Variants in MMP24 observed in about 807,000 individuals in gnomAD.
The protein encoded by MMP24 is matrix metallopeptidase 24, also known as matrix metalloproteinase-24.
Under a neutral mutation model 62.8 loss-of-function variants are expected in MMP24, and 25 were observed. That is an observed-to-expected ratio of 0.40 (90% CI 0.29 to 0.56). The LOEUF is 0.56. Among genes scored for constraint, MMP24 ranks in the 20% least tolerant of loss-of-function variants. MMP24 has a pLI of 0.50. For synonymous variants in MMP24, 319 were observed against 350.5 expected, an observed-to-expected ratio of 0.91 and a Z score of 1.00; for missense variants, 634 against 853.6, an observed-to-expected ratio of 0.74 and a Z score of 3.21.
At chr20:35,244,801 C>A (rs1245600510) in intron 1 of MMP24, among the ~76,000 whole-genome samples, 1 of 151,104 alleles carries the variant, frequency 6.6e-6, no homozygotes, top group Non-Finnish European at 1.5e-5. Context: ...TTCACCCAAG[C>A]TTCTTTCAGA....
intron 6 of MMP24, among the ~76,000 whole-genome samples, chr20:35,268,959 G>A (rs543826487): frequency 1.1e-4 from 17 of 151,830 alleles, no homozygotes; most frequent in South Asian, 1.0e-3. Context: ...CCTGGGAGGC[G>A]GAGCTTGCAG....
chr20:35,267,490 T>C (rs1410199997), intron 6 of MMP24, 71 bp downstream of exon 6: 16 of 1,426,944 alleles, frequency 1.1e-5, no homozygotes, highest in Non-Finnish European at 1.4e-5. Flanking sequence ...ATCATGGAGC[T>C]GGGGAAGGCT....
intron 1 of MMP24, among the ~76,000 whole-genome samples, chr20:35,246,573 A>T (rs911845659): frequency 2.0e-5 from 3 of 152,218 alleles, no homozygotes; most frequent in Non-Finnish European, 4.4e-5. Flanking sequence ...AGGGCAATGG[A>T]AAACTCTGAA....
intron 1 of MMP24, among the ~76,000 whole-genome samples, chr20:35,230,878 T>C (rs974732373): frequency 1.3e-5 from 2 of 152,356 alleles, no homozygotes; most frequent in African/African-American, 4.8e-5. Context: ...TTCGTATCTA[T>C]GATCTTTCAT....
At position 35,269,828 on chromosome 20, in the gene MMP24, C is replaced by T. The variant is rs1177199073; in HGVS notation, c.1263C>T (p.Phe421=). Residue 421 remains phenylalanine (F), a synonymous_variant, in exon 7 of 9, where the codon TTC becomes TTT. Coordinates refer to ENST00000246186, the MANE Select transcript of MMP24 (RefSeq NM_006690.4). This position sits in a 1 kb window ranked among gnomAD's most constrained non-coding sequence, Gnocchi z 4.6. The part of the protein sequence containing the change: ...QEGYPMQIEQ[F]WKGLPARIDA... ...GCTACCCCATGCAGATCGAGCAGTTCTGGAAGGGCCTGCCTGCCCGCATCG... is the reference window on the plus strand; with the variant it reads ...GCTACCCCATGCAGATCGAGCAGTTTTGGAAGGGCCTGCCTGCCCGCATCG... The T allele has an allele frequency of 5.8e-6, 9 of 1,560,196 alleles. No individual in the cohort carries two copies. In the South Asian group the frequency reaches 9.5e-5, roughly 16 times the overall value.
At position 35,274,392 on chromosome 20, in the gene MMP24, TGGAGCGGCGGAA is replaced by T. The variant is rs760903739; in HGVS notation, c.1732_1743del (p.Lys578_Arg581del). 37 of 1,613,602 alleles carry T rather than the reference TGGAGCGGCGGAA, an allele frequency of 2.3e-5. No individual in the cohort carries two copies. Among genetic ancestry groups the T allele is most frequent in the Non-Finnish European group, 3.1e-5 (36 of 1,179,840 alleles). On this transcript the variant is annotated inframe_deletion, in exon 9 of 9. Coordinates refer to ENST00000246186, the MANE Select transcript of MMP24 (RefSeq NM_006690.4). The surrounding 1 kb of genome is among the most constrained non-coding windows in gnomAD (Gnocchi z 5.1). ...TGGATGGGCTGCAACCAGAAGGAGG[TGGAGCGGCGGAA>T]GGAGCGGCGGCTGCCCCAGGACGAC...
intron 1 of MMP24, among the ~76,000 whole-genome samples, chr20:35,234,955 GGTT>G (rs1006476314): frequency 1.1e-4 from 17 of 152,186 alleles, no homozygotes; most frequent in Non-Finnish European, 5.9e-5. Context: ...ACATTGTAAG[GGTT>G]GTTGTGTCAT....
chr20:35,270,972 G>A (rs1273102679), intron 7 of MMP24, among the ~76,000 whole-genome samples: 1 of 152,174 alleles, frequency 6.6e-6, no homozygotes, highest in African/African-American at 2.4e-5. Context: ...CCCAGGAAGT[G>A]GAGGTTGTGG....
chr20:35,242,973 T>C (rs998760661), intron 1 of MMP24, among the ~76,000 whole-genome samples: 6 of 150,952 alleles, frequency 4.0e-5, no homozygotes, highest in Admixed American at 6.6e-5. Context: ...AGGTCAGGAG[T>C]TCAAGACCAG....
chr20:35,227,165 C>A (rs2060417730), intron 1 of MMP24, among the ~76,000 whole-genome samples, 181 bp downstream of exon 1: 1 of 149,952 alleles, frequency 6.7e-6, no homozygotes, highest in East Asian at 2.0e-4. Context: ...GGGAGGGCCT[C>A]GCCGAGGGCC....
At chr20:35,228,643 C>T (rs1158394431) in intron 1 of MMP24, among the ~76,000 whole-genome samples, 1 of 152,182 alleles carries the variant, frequency 6.6e-6, no homozygotes, top group Non-Finnish European at 1.5e-5. Context: ...GCTAGACAAT[C>T]TCAACTCTGA....
chr20:35,253,293 T>TTTTTTTTTTTTC (rs869302559), intron 3 of MMP24, among the ~76,000 whole-genome samples: 1 of 130,358 alleles, frequency 7.7e-6, no homozygotes, highest in African/African-American at 3.0e-5. Context: ...TTTTTTTTTT[T>TTTTTTTTTTTTC]CAGAAATCTG....
In MMP24 at chr20:35,276,351, GTTTTATAC is replaced by G; in HGVS notation, c.*1746_*1753del. The G allele has an allele frequency of 2.5e-6, 1 of 399,050 alleles. No homozygotes were observed. Among genetic ancestry groups the G allele is most frequent in the Non-Finnish European group, 4.4e-6 (1 of 226,054 alleles). 24.7% of individuals were successfully genotyped at this position (399,050 alleles called of 1,614,324 possible). ...TTAGTGATTCATAGGTTTGTACAGT[GTTTTATAC>G]TTTGCAAAGCACTTTATTAGCTCAC... is the stretch of plus-strand genomic sequence containing the variant. On this transcript the variant is annotated 3_prime_UTR_variant, in exon 9 of 9. Coordinates refer to ENST00000246186, the MANE Select transcript of MMP24 (RefSeq NM_006690.4).
intron 2 of MMP24, among the ~76,000 whole-genome samples, chr20:35,247,645 G>T (rs2060522571): frequency 6.6e-6 from 1 of 152,228 alleles, no homozygotes; most frequent in Non-Finnish European, 1.5e-5. Context: ...CACAAAGCCA[G>T]CCGAGAAGGG....
At position 35,274,504 on chromosome 20, in the gene MMP24, G is replaced by C. The variant is rs368924948; in HGVS notation, c.1833G>C (p.Leu611=). 1 of 1,613,898 alleles carries C rather than the reference G, an allele frequency of 6.2e-7. No individual in the cohort carries two copies. Among genetic ancestry groups the C allele is most frequent in the African/African-American group, 1.3e-5 (1 of 74,924 alleles). The change falls in exon 9 of 9, where the codon CTG becomes CTC. Residue 611 remains leucine, a synonymous_variant. Transcript: ENST00000246186. This position sits in a 1 kb window ranked among gnomAD's most constrained non-coding sequence, Gnocchi z 5.1. ...NAVAVVIPCI[L]SLCILVLVYT... ...TGGCCGTGGTCATCCCCTGCATCCT[G>C]TCCCTCTGCATCCTGGTGCTGGTCT...
chr20:35,253,547 C>T (rs995420762), intron 3 of MMP24, among the ~76,000 whole-genome samples: 11 of 152,016 alleles, frequency 7.2e-5, no homozygotes, highest in Admixed American at 4.6e-4. Context: ...AGTTTCCTTA[C>T]GTGTGGAGTA....
Position 35,267,363 on chromosome 20 carries a change from T to A in MMP24, c.1138T>A (p.Cys380Ser). ...PSTPGTKPNI[C>S]DGNFNTVALF... ...CACACCAGGCACCAAACCCAACATC[T>A]GTGACGGCAACTTCAACACAGTGGC... The change falls in exon 6 of 9, where the codon TGT (cysteine) becomes AGT (serine). Residue 380 changes from cysteine (C) to serine (S), a missense_variant. Coordinates refer to ENST00000246186, the MANE Select transcript of MMP24 (RefSeq NM_006690.4). The A allele has an allele frequency of 6.3e-7, 1 of 1,578,602 alleles. No homozygotes were observed. Among genetic ancestry groups the A allele is most frequent in the East Asian group, 2.3e-5 (1 of 42,710 alleles).
intron 1 of MMP24, among the ~76,000 whole-genome samples, chr20:35,235,799 C>G (rs897803134): frequency 2.0e-5 from 3 of 152,088 alleles, no homozygotes; most frequent in Admixed American, 6.5e-5. Flanking sequence ...AGAAGTCGAG[C>G]CTCAGGGGAC....
chr20:35,245,841 T>C (rs1207732741), intron 1 of MMP24, among the ~76,000 whole-genome samples: 1 of 151,922 alleles, frequency 6.6e-6, no homozygotes, highest in African/African-American at 2.4e-5. Flanking sequence ...GTTGCAGATA[T>C]TATGCACCCT....
Sources: gnomAD v4.1 joint callset for allele counts (sites outside exome capture counted in the v4.1 genomes callset) on GRCh38, gnomAD v4.1.1 for gene constraint, Gnocchi (gnomAD v3.1) non-coding constraint, MANE v1.5 for transcripts, NCBI Gene and HGNC (gene_info 2026-07-23, HGNC 2026-07-21) for gene names.